DPYS: variants seen among roughly 807,000 people sequenced by gnomAD.
DPYS encodes dihydropyrimidinase.
In DPYS, 39 loss-of-function variants were observed where a neutral mutation model predicts 50.3. That is an observed-to-expected ratio of 0.78 (90% CI 0.60 to 1.01). DPYS has a LOEUF of 1.01. Among genes scored for constraint, DPYS ranks in the 50% least tolerant of loss-of-function variants. The probability of loss-of-function intolerance (pLI) is 0.00; values close to 1 mark genes in which losing one functional copy is unlikely to be tolerated. For synonymous variants in DPYS, 245 were observed against 250.7 expected (o/e 0.98, Z 0.22); for missense variants, 659 against 680.9 (o/e 0.97, Z 0.36).
chr8:104,438,760 G>A (rs530419454), intron 4 of DPYS, among the ~76,000 whole-genome samples: 46 of 152,236 alleles, frequency 3.0e-4, no homozygotes, highest in African/African-American at 1.0e-3. Context: ...AGCACTTAGG[G>A]CCTCTAAGTT....
At chr8:104,382,251 A>G (rs745571883) in intron 8 of DPYS, among the ~76,000 whole-genome samples, 1 of 152,190 alleles carries the variant, frequency 6.6e-6, no homozygotes, top group Non-Finnish European at 1.5e-5. Context: ...GAAGCACTGC[A>G]TCGGGTGTGC....
At chr8:104,433,147 G>A (rs550189635) in intron 4 of DPYS, among the ~76,000 whole-genome samples, 2 of 152,256 alleles carry the variant, frequency 1.3e-5, no homozygotes, top group South Asian at 4.1e-4. Flanking sequence ...CTCAGAAGGA[G>A]CCAACCCTGT....
intron 4 of DPYS, among the ~76,000 whole-genome samples, chr8:104,439,465 A>G (rs982323709): frequency 5.9e-5 from 9 of 152,138 alleles, no homozygotes; most frequent in African/African-American, 2.2e-4. Context: ...AAACCCAAAA[A>G]CCAATTACAA....
intron 1 of DPYS, among the ~76,000 whole-genome samples, chr8:104,462,464 A>C (rs1225477024): frequency 1.3e-5 from 2 of 152,234 alleles, no homozygotes; most frequent in African/African-American, 4.8e-5. Context: ...TTTACCAAAA[A>C]GTTTCAAAGC....
intron 4 of DPYS, among the ~76,000 whole-genome samples, chr8:104,432,257 C>A (rs539670690): frequency 1.3e-5 from 2 of 152,330 alleles, no homozygotes; most frequent in East Asian, 3.9e-4. Flanking sequence ...GATGCAATCT[C>A]CCACTTAAAG....
intron 4 of DPYS, among the ~76,000 whole-genome samples, chr8:104,443,469 T>G (rs777204177): frequency 1.8e-4 from 28 of 152,192 alleles, no homozygotes; most frequent in Non-Finnish European, 3.7e-4. Flanking sequence ...AACATCCAAG[T>G]GGCTGTCAGA....
intron 1 of DPYS, among the ~76,000 whole-genome samples, chr8:104,461,358 C>T (rs554113186): frequency 1.0e-4 from 14 of 139,836 alleles, no homozygotes; most frequent in African/African-American, 3.0e-4. Context: ...TATCCATCAT[C>T]GACAAGAATA....
chr8:104,444,549 G>A (rs1480734075), intron 3 of DPYS, 112 bp from the exon 4 acceptor site: 11 of 1,182,246 alleles, frequency 9.3e-6, no homozygotes, highest in Non-Finnish European at 1.3e-5. Context: ...GTTAGGTATA[G>A]GGGTGTGTGT....
chr8:104,388,969 C>T (rs549500641), intron 8 of DPYS, among the ~76,000 whole-genome samples: 4 of 152,272 alleles, frequency 2.6e-5, no homozygotes, highest in Admixed American at 6.5e-5. Context: ...TTTCCTTCTA[C>T]GCATCTCTGA....
At chr8:104,399,314 C>CAAA (rs1206671523) in intron 7 of DPYS, among the ~76,000 whole-genome samples, 1 of 53,670 alleles carries the variant, frequency 1.9e-5, no homozygotes, top group Admixed American at 2.4e-4. Context: ...AAAAAAACAA[C>CAAA]AACAAAAAAA....
chr8:104,466,566 G>T, intron 1 of DPYS, 91 bp downstream of exon 1: 1 of 1,340,792 alleles, frequency 7.5e-7, no homozygotes, highest in Middle Eastern at 2.7e-4. Context: ...CGCGCCGCGC[G>T]AGGCGGCCCT....
chr8:104,415,285 G>T (rs919453221), intron 7 of DPYS, among the ~76,000 whole-genome samples: 2 of 152,188 alleles, frequency 1.3e-5, no homozygotes, highest in Non-Finnish European at 2.9e-5. Context: ...ACACAGCCTC[G>T]CTTGGTGCTT....
intron 4 of DPYS, among the ~76,000 whole-genome samples, chr8:104,443,172 A>G (rs1204571253): frequency 2.0e-5 from 3 of 152,236 alleles, no homozygotes; most frequent in Admixed American, 1.3e-4. Flanking sequence ...AGATGACAGA[A>G]GCTACCATGG....
intron 7 of DPYS, chr8:104,419,822 C>T (rs1812486559): frequency 6.6e-6 from 1 of 152,078 alleles, no homozygotes; most frequent in Non-Finnish European, 1.5e-5. Flanking sequence ...AATATTAAAT[C>T]CCGGAAGGGA....
In DPYS at chr8:104,447,465, A is replaced by C. The variant is rs1170869048; in HGVS notation, c.462T>G (p.Gly154=). ...CCATAAACATCTTGAAAGAGTTAAC[A>C]CCTTTATCTTGCACAAGGATTTTCA... ...EEMKILVQDK[G]VNSFKMFMAY... Residue 154 remains glycine, a synonymous_variant, in exon 3 of 10, where the codon GGT becomes GGG. Transcript: ENST00000351513. 1 of 1,614,014 alleles carries C rather than the reference A, an allele frequency of 6.2e-7. No homozygotes were observed. The highest frequency in any genetic ancestry group is 1.3e-5 in the African/African-American group (1 of 74,908).
At chr8:104,381,870 A>ACACACACACACG (rs1811059792) in intron 8 of DPYS, among the ~76,000 whole-genome samples, 1 of 118,178 alleles carries the variant, frequency 8.5e-6, no homozygotes, top group Non-Finnish European at 1.8e-5. Flanking sequence ...ACACACACAC[A>ACACACACACACG]CACACACACA....
intron 6 of DPYS, among the ~76,000 whole-genome samples, chr8:104,426,820 A>G (rs1812738556): frequency 6.6e-6 from 1 of 152,330 alleles, no homozygotes. Flanking sequence ...AGTCATGGAC[A>G]TTTAAATTTT....
At chr8:104,460,801 A>G (rs1814101150) in intron 1 of DPYS, among the ~76,000 whole-genome samples, 1 of 152,178 alleles carries the variant, frequency 6.6e-6, no homozygotes, top group Non-Finnish European at 1.5e-5. Flanking sequence ...CTGAAGGTTA[A>G]GTTTGTAATC....
intron 8 of DPYS, among the ~76,000 whole-genome samples, chr8:104,392,354 ATC>A (rs1811417203): frequency 1.3e-5 from 2 of 151,906 alleles, no homozygotes; most frequent in Non-Finnish European, 2.9e-5. Flanking sequence ...TACCCATTTT[ATC>A]TCTTTCTTTT....
Sources: gnomAD v4.1 joint callset for allele counts (sites outside exome capture counted in the v4.1 genomes callset) on GRCh38, gnomAD v4.1.1 for gene constraint, MANE v1.5 for transcripts, NCBI Gene and HGNC (gene_info 2026-07-23, HGNC 2026-07-21) for gene names.